AGMO: variants seen among roughly 807,000 people sequenced by gnomAD.
AGMO encodes glyceryl-ether monooxygenase.
A neutral mutation model predicts 60.2 loss-of-function variants in AGMO; 75 were observed. That is an observed-to-expected ratio of 1.25 (90% CI 1.03 to 1.51). The LOEUF (loss-of-function observed/expected upper bound fraction) is 1.51, where lower values mean the gene tolerates loss of function less well. Among genes scored for constraint, AGMO ranks in the 40% most tolerant of loss-of-function variants. AGMO has a pLI of 0.00. For synonymous variants in AGMO, 261 were observed against 177.1 expected, an observed-to-expected ratio of 1.47 and a Z score of -3.76; for missense variants, 763 against 525.5, an observed-to-expected ratio of 1.45 and a Z score of -4.42.
intron 4 of AGMO, among the ~76,000 whole-genome samples, chr7:15,427,683 T>C (rs908443828): frequency 6.7e-6 from 1 of 149,262 alleles, no homozygotes; most frequent in Non-Finnish European, 1.5e-5. Flanking sequence ...CATTTTATTA[T>C]TATCATTATT....
At chr7:15,325,482 A>T (rs934633855) in intron 12 of AGMO, among the ~76,000 whole-genome samples, 7 of 152,150 alleles carry the variant, frequency 4.6e-5, no homozygotes, top group Non-Finnish European at 5.9e-5. Flanking sequence ...TTTTAAACAA[A>T]CTTCTCTCAC....
chr7:15,425,503 C>G (rs955334628), intron 4 of AGMO, among the ~76,000 whole-genome samples: 1 of 151,208 alleles, frequency 6.6e-6, no homozygotes, highest in Non-Finnish European at 1.5e-5. Flanking sequence ...GGAGCCACCA[C>G]GAATAACTGT....
intron 12 of AGMO, among the ~76,000 whole-genome samples, chr7:15,338,949 T>A (rs968615339): frequency 2.0e-5 from 3 of 152,180 alleles, no homozygotes; most frequent in African/African-American, 7.2e-5. Context: ...GCAGCCTCAA[T>A]TCTCCAGATA....
intron 3 of AGMO, among the ~76,000 whole-genome samples, chr7:15,468,526 G>GTATGATTCA (rs1427545729): frequency 1.4e-4 from 21 of 151,964 alleles, no homozygotes; most frequent in African/African-American, 4.8e-4. Flanking sequence ...GCATTTAAAT[G>GTATGATTCA]TATGATTCAT....
chr7:15,286,383 A>T (rs966560843), intron 12 of AGMO, among the ~76,000 whole-genome samples: 1 of 152,024 alleles, frequency 6.6e-6, no homozygotes, highest in Non-Finnish European at 1.5e-5. Context: ...AGGAAAAAAA[A>T]CAAATAATCC....
intron 12 of AGMO, among the ~76,000 whole-genome samples, chr7:15,256,416 C>A (rs1031466112): frequency 6.6e-6 from 1 of 152,154 alleles, no homozygotes; most frequent in Non-Finnish European, 1.5e-5. Flanking sequence ...AATCTCGGCT[C>A]ACTGCAAGCT....
intron 10 of AGMO, among the ~76,000 whole-genome samples, chr7:15,382,348 A>C (rs576685837): frequency 1.3e-5 from 2 of 150,842 alleles, no homozygotes; most frequent in South Asian, 4.2e-4. Context: ...ATATACGAGG[A>C]ATGTGCTCGG....
At chr7:15,494,517 G>C (rs1249026375) in intron 3 of AGMO, among the ~76,000 whole-genome samples, 7 of 152,224 alleles carry the variant, frequency 4.6e-5, no homozygotes, top group Non-Finnish European at 1.0e-4. Flanking sequence ...AATAGCTGGA[G>C]TGAACACTTT....
intron 3 of AGMO, among the ~76,000 whole-genome samples, chr7:15,464,565 TAG>T (rs1440546252): frequency 4.6e-5 from 7 of 152,176 alleles, no homozygotes; most frequent in African/African-American, 1.4e-4. Flanking sequence ...CTGGCCACAT[TAG>T]TTTCAAAAAA....
At chr7:15,542,583 G>A (rs2196395) in intron 3 of AGMO, among the ~76,000 whole-genome samples, 84,330 of 152,006 alleles carry the variant, frequency 0.55, 26,323 homozygotes, top group East Asian at 0.84. Context: ...GCATGAGGAA[G>A]GTTCTTGAAA....
intron 3 of AGMO, among the ~76,000 whole-genome samples, chr7:15,483,326 G>T (rs1782811786): frequency 6.6e-6 from 1 of 152,132 alleles, no homozygotes. Flanking sequence ...CAGCACCTTG[G>T]GAGGCCGAGG....
intron 3 of AGMO, among the ~76,000 whole-genome samples, chr7:15,538,183 C>T (rs1784527864): frequency 2.0e-5 from 3 of 152,154 alleles, no homozygotes; most frequent in East Asian, 1.9e-4. Context: ...CAGGCAAATA[C>T]AAGGTGGAGT....
At chr7:15,250,091 T>A (rs1782886447) in intron 12 of AGMO, among the ~76,000 whole-genome samples, 1 of 152,220 alleles carries the variant, frequency 6.6e-6, no homozygotes, top group South Asian at 2.1e-4. Flanking sequence ...TTCAACAATT[T>A]AATATAATTG....
chr7:15,248,783 C>T (rs1337360796), intron 12 of AGMO, among the ~76,000 whole-genome samples: 1 of 152,148 alleles, frequency 6.6e-6, no homozygotes, highest in Non-Finnish European at 1.5e-5. Flanking sequence ...CTGCTATTCT[C>T]AGAATTCTTG....
chr7:15,450,650 T>C (rs1484711637), intron 3 of AGMO, among the ~76,000 whole-genome samples: 1 of 151,966 alleles, frequency 6.6e-6, no homozygotes, highest in African/African-American at 2.4e-5. Context: ...CAAACATACA[T>C]ACACACACAC....
chr7:15,412,043 C>T lies in AGMO; in HGVS notation c.609+6515G>A, dbSNP rs538200096. Among the ~76,000 whole-genome samples, 7 of 152,188 alleles carry T rather than the reference C, an allele frequency of 4.6e-5. No individual in the cohort carries two copies. The East Asian group carries it at 7.7e-4, about 17-fold the overall frequency. On this transcript the variant is annotated intron_variant, in intron 5 of 12. Transcript: ENST00000342526. ...TGCTCATCCTGCTACCACTCTATTG[C>T]GTTTGCTGCTATAGAGTAAAATTTT...
intron 10 of AGMO, among the ~76,000 whole-genome samples, chr7:15,370,034 A>G (rs948397658): frequency 6.6e-6 from 1 of 152,060 alleles, no homozygotes; most frequent in Non-Finnish European, 1.5e-5. Flanking sequence ...TGTACCCAAC[A>G]ATTAGTTTTC....
intron 10 of AGMO, among the ~76,000 whole-genome samples, chr7:15,368,628 T>TA (rs1270277649): frequency 1.3e-5 from 2 of 151,968 alleles, no homozygotes; most frequent in South Asian, 2.1e-4. Flanking sequence ...TGGCACAGAG[T>TA]AAAAAAGTCA....
intron 12 of AGMO, among the ~76,000 whole-genome samples, chr7:15,351,403 C>T (rs981918787): frequency 6.6e-6 from 1 of 151,970 alleles, no homozygotes; most frequent in African/African-American, 2.4e-5. Flanking sequence ...AAGCTAAACC[C>T]CTATATTTAA....
Sources: gnomAD v4.1 joint callset for allele counts (sites outside exome capture counted in the v4.1 genomes callset) on GRCh38, gnomAD v4.1.1 for gene constraint, MANE v1.5 for transcripts, NCBI Gene and HGNC (gene_info 2026-07-23, HGNC 2026-07-21) for gene names.